The following PRSS3 variants were observed in gnomAD, a reference collection of about 807,000 sequenced individuals.
PRSS3 encodes trypsin-3.
Under a neutral mutation model 20.8 loss-of-function variants are expected in PRSS3, and 14 were observed. The ratio of observed to expected loss-of-function variants is 0.67; its 90% confidence interval spans 0.44 to 1.05. PRSS3 has a LOEUF of 1.05. Ranked by LOEUF, PRSS3 falls within the 50% of genes least tolerant of loss-of-function variation. The probability of loss-of-function intolerance (pLI) is 0.00; values close to 1 mark genes in which losing one functional copy is unlikely to be tolerated. For synonymous variants in PRSS3, 91 were observed against 117.6 expected (o/e 0.77, Z 1.46); for missense variants, 237 against 306.4 (o/e 0.77, Z 1.69).
chr9:33,765,500 A>G (rs1823374837), intron 1 of PRSS3, among the ~76,000 whole-genome samples: 3 of 152,224 alleles, frequency 2.0e-5, no homozygotes, highest in South Asian at 4.1e-4. Flanking sequence ...TGGCATATTC[A>G]AACTGCCAGC....
chr9:33,782,496 T>C (rs1480644096), intron 1 of PRSS3, among the ~76,000 whole-genome samples: 1 of 152,230 alleles, frequency 6.6e-6, no homozygotes, highest in African/African-American at 2.4e-5. Flanking sequence ...TCTTTTTCAG[T>C]TCTGCTGAGC....
chr9:33,783,270 T>G (rs181909654), intron 1 of PRSS3, among the ~76,000 whole-genome samples: 377 of 152,326 alleles, frequency 2.5e-3, no homozygotes, highest in Non-Finnish European at 4.4e-3. Context: ...TATAATTTAG[T>G]AGGTTACACA....
intron 1 of PRSS3, among the ~76,000 whole-genome samples, chr9:33,781,917 C>T (rs1479666370): frequency 6.6e-6 from 1 of 152,182 alleles, no homozygotes; most frequent in Admixed American, 6.5e-5. Context: ...TCTGCCCACC[C>T]CAGACTTGGT....
intron 1 of PRSS3, among the ~76,000 whole-genome samples, chr9:33,764,796 T>C (rs556069984): frequency 6.6e-6 from 1 of 152,304 alleles, no homozygotes; most frequent in East Asian, 1.9e-4. Context: ...AAGAAACCTG[T>C]ATCTAGAACA....
upstream of PRSS3, among the ~76,000 whole-genome samples, chr9:33,795,127 G>T (rs1348193948): frequency 1.3e-5 from 2 of 152,204 alleles, no homozygotes; most frequent in Non-Finnish European, 2.9e-5. Flanking sequence ...TCTCGTGGGG[G>T]CTCCAGGAAA....
chr9:33,761,103 G>A (rs1036927319), intron 1 of PRSS3, among the ~76,000 whole-genome samples: 3 of 152,230 alleles, frequency 2.0e-5, no homozygotes, highest in African/African-American at 7.2e-5. Flanking sequence ...GTATTGTCAT[G>A]TGGCACTTAA....
At chr9:33,753,303 G>T (rs1455277297) in intron 1 of PRSS3, among the ~76,000 whole-genome samples, 2 of 152,002 alleles carry the variant, frequency 1.3e-5, no homozygotes, top group Non-Finnish European at 2.9e-5. Flanking sequence ...TTAGAGCTGG[G>T]TATAACCTTA....
chr9:33,785,843 T>G (rs1824381264), intron 1 of PRSS3: 1 of 152,790 alleles, frequency 6.5e-6, no homozygotes. Context: ...AGCAGACAGT[T>G]GAAATACTGT....
chr9:33,758,184 C>T (rs1252732140), intron 1 of PRSS3, among the ~76,000 whole-genome samples: 1 of 152,146 alleles, frequency 6.6e-6, no homozygotes, highest in Non-Finnish European at 1.5e-5. Context: ...CTGCCTCCTC[C>T]CCTACATTGA....
chr9:33,758,743 C>T (rs139424421), intron 1 of PRSS3, among the ~76,000 whole-genome samples: 4 of 152,188 alleles, frequency 2.6e-5, no homozygotes, highest in South Asian at 4.2e-4. Flanking sequence ...AAGAACTGTA[C>T]GAAAATAGTG....
At position 33,770,167 on chromosome 9, in the gene PRSS3, A is replaced by G. The variant is rs539652657; in HGVS notation, c.-53+19440A>G. On this transcript the variant is annotated intron_variant, in intron 1 of 5. Transcript: ENST00000342836. ...CTGTCTCAAAAAAAAAAAAAAATTG[A>G]ACGGAATTTGCCCTACCAGGTTCCA... Among the ~76,000 whole-genome samples, 6 of 152,122 alleles carry G rather than the reference A, an allele frequency of 3.9e-5. No homozygotes were observed. The East Asian group carries it at 9.7e-4, about 25-fold the overall frequency.
At chr9:33,766,538 G>A (rs2142057) in intron 1 of PRSS3, among the ~76,000 whole-genome samples, 103,611 of 151,856 alleles carry the variant, frequency 0.68, 35,704 homozygotes, top group East Asian at 0.83. Context: ...GCACCACTGC[G>A]CTCCAGCCTG....
At chr9:33,796,887 G>C (rs1824982654) in intron 2 of PRSS3, 85 bp downstream of exon 2, 1 of 1,609,542 alleles carries the variant, frequency 6.2e-7, no homozygotes, top group Non-Finnish European at 8.5e-7. Flanking sequence ...ACTGAGGTTG[G>C]GTAAGACGGA....
At chr9:33,763,567 C>T (rs1466408088) in intron 1 of PRSS3, among the ~76,000 whole-genome samples, 3 of 151,832 alleles carry the variant, frequency 2.0e-5, no homozygotes, top group Non-Finnish European at 2.9e-5. Flanking sequence ...GGCGTGGTGG[C>T]GGGCACCTGT....
chr9:33,769,894 G>A (rs112370767), intron 1 of PRSS3, among the ~76,000 whole-genome samples: 1 of 152,334 alleles, frequency 6.6e-6, no homozygotes, highest in Admixed American at 6.5e-5. Context: ...GGCTGGGCGC[G>A]GTGGCTCACG....
At chr9:33,762,622 CA>C (rs1488004204) in intron 1 of PRSS3, among the ~76,000 whole-genome samples, 6 of 152,188 alleles carry the variant, frequency 3.9e-5, no homozygotes, top group Non-Finnish European at 8.8e-5. Flanking sequence ...TCAGAATGTA[CA>C]AAAACGATGA....
intron 1 of PRSS3, among the ~76,000 whole-genome samples, chr9:33,766,962 ATTT>A (rs34542469): frequency 6.8e-6 from 1 of 148,056 alleles, no homozygotes; most frequent in Admixed American, 6.7e-5. Context: ...TACATGGTGG[ATTT>A]TTTTTTTTTT....
chr9:33,762,841 C>T (rs1163446653), intron 1 of PRSS3, among the ~76,000 whole-genome samples: 1 of 152,182 alleles, frequency 6.6e-6, no homozygotes, highest in Admixed American at 6.5e-5. Context: ...AAGCCCAAGT[C>T]TCTCCCCTAT....
chr9:33,796,120 C>T (rs867225501), intron 1 of PRSS3, among the ~76,000 whole-genome samples: 8 of 152,176 alleles, frequency 5.3e-5, no homozygotes, highest in African/African-American at 1.9e-4. Context: ...CTTCTATTGG[C>T]CAATAACAAA....
Sources: allele counts gnomAD v4.1 joint callset (sites outside exome capture counted in the v4.1 genomes callset), GRCh38; gene constraint gnomAD v4.1.1; transcripts MANE v1.5; gene names NCBI Gene and HGNC (gene_info 2026-07-23, HGNC 2026-07-21).